Variants in DCC observed in about 807,000 individuals in gnomAD.
DCC encodes DCC netrin 1 receptor.
Under a neutral mutation model 172.5 loss-of-function variants are expected in DCC, and 58 were observed. The observed-to-expected ratio is 0.34, with a 90% CI of 0.27 to 0.42. The LOEUF (loss-of-function observed/expected upper bound fraction) is 0.42, where lower values mean the gene tolerates loss of function less well. DCC is among the 10% of genes least tolerant of loss of function. DCC has a pLI of 1.00. For missense variants in DCC, 1,740 were observed against 1,791.0 expected (o/e 0.97, Z 0.51); for synonymous variants, 709 against 644.5 (o/e 1.10, Z -1.52).
intron 13 of DCC, among the ~76,000 whole-genome samples, chr18:53,316,029 T>C (rs1451445665): frequency 1.3e-5 from 2 of 152,224 alleles, no homozygotes; most frequent in Non-Finnish European, 2.9e-5. Context: ...GTTTTAGTCA[T>C]GAAGTCTTTG....
chr18:53,288,522 T>C (rs978717575), intron 12 of DCC, among the ~76,000 whole-genome samples: 12 of 152,176 alleles, frequency 7.9e-5, no homozygotes, highest in Admixed American at 7.9e-4. Flanking sequence ...ATAGAGTAAT[T>C]ATTTTGGAAT....
intron 2 of DCC, among the ~76,000 whole-genome samples, chr18:52,755,963 G>A (rs912975056): frequency 1.3e-5 from 2 of 152,062 alleles, no homozygotes; most frequent in Non-Finnish European, 2.9e-5. Context: ...GGCTGGAGAG[G>A]GAAGGAAAGT....
intron 7 of DCC, among the ~76,000 whole-genome samples, chr18:53,095,734 C>T (rs34006123): frequency 0.25 from 37,861 of 149,664 alleles, 6,074 homozygotes; most frequent in African/African-American, 0.43. Context: ...TATTTATATC[C>T]GTAATGTCTT....
intron 4 of DCC, 66 bp downstream of exon 4, chr18:52,923,923 T>G: frequency 1.6e-6 from 2 of 1,216,128 alleles, no homozygotes; most frequent in Non-Finnish European, 1.2e-6. Context: ...TATTTATATT[T>G]CTCTAATTTG....
At chr18:53,178,781 A>G (rs1316515671) in intron 8 of DCC, among the ~76,000 whole-genome samples, 181 bp from the exon 9 acceptor site, 1 of 152,198 alleles carries the variant, frequency 6.6e-6, no homozygotes, top group Non-Finnish European at 1.5e-5. Context: ...ATTTATTTGT[A>G]GGTCCTTCCA....
chr18:52,909,567 G>A (rs2145455759), intron 3 of DCC, among the ~76,000 whole-genome samples: 1 of 152,226 alleles, frequency 6.6e-6, no homozygotes, highest in East Asian at 1.9e-4. Flanking sequence ...AAGTCTATGT[G>A]AAACTTATTT....
At chr18:53,000,419 A>G (rs1190880067) in intron 5 of DCC, among the ~76,000 whole-genome samples, 1 of 151,876 alleles carries the variant, frequency 6.6e-6, no homozygotes. Flanking sequence ...GGATTGGGAA[A>G]CAACTCCCTG....
chr18:52,852,646 A>ACACAC (rs1273296286), intron 2 of DCC, among the ~76,000 whole-genome samples: 4,051 of 152,136 alleles, frequency 0.027, 158 homozygotes, highest in African/African-American at 0.089. Flanking sequence ...AAATTTGGTT[A>ACACAC]AAATTTATTT....
At chr18:53,222,903 T>C (rs190354838) in intron 12 of DCC, among the ~76,000 whole-genome samples, 3 of 152,248 alleles carry the variant, frequency 2.0e-5, no homozygotes, top group Non-Finnish European at 4.4e-5. Flanking sequence ...ATGAGAACAA[T>C]GTACTCCATA....
intron 27 of DCC, among the ~76,000 whole-genome samples, chr18:53,503,303 A>AT (rs1389071171): frequency 1.3e-5 from 2 of 151,932 alleles, no homozygotes; most frequent in African/African-American, 2.4e-5. Flanking sequence ...CATTTCCTCA[A>AT]TTTTTTTTCC....
At chr18:52,416,708 T>C (rs1337745290) in intron 1 of DCC, among the ~76,000 whole-genome samples, 3 of 151,872 alleles carry the variant, frequency 2.0e-5, no homozygotes, top group Admixed American at 6.6e-5. Flanking sequence ...CTGCCTTTTT[T>C]TGTTTTCCAT....
chr18:52,545,004 T>G (rs998686086), intron 1 of DCC, among the ~76,000 whole-genome samples: 2 of 152,200 alleles, frequency 1.3e-5, no homozygotes, highest in Non-Finnish European at 2.9e-5. Context: ...TTTTTAAGAA[T>G]GCTTAGCAGT....
chr18:53,015,233 A>G (rs1239413403), intron 5 of DCC, among the ~76,000 whole-genome samples: 2 of 152,220 alleles, frequency 1.3e-5, no homozygotes, highest in Admixed American at 1.3e-4. Flanking sequence ...ATTTATAGCA[A>G]GTTTAAAATA....
At chr18:53,486,010 A>T (rs2045895604) in intron 25 of DCC, among the ~76,000 whole-genome samples, 2 of 152,112 alleles carry the variant, frequency 1.3e-5, no homozygotes, top group Non-Finnish European at 2.9e-5. Context: ...GCTTTGGCAT[A>T]ATAAAAGATA....
intron 2 of DCC, among the ~76,000 whole-genome samples, chr18:52,823,006 G>C (rs1399492377): frequency 6.6e-6 from 1 of 152,044 alleles, no homozygotes; most frequent in African/African-American, 2.4e-5. Flanking sequence ...TTTAATCTGG[G>C]TCTGTGTCCC....
At chr18:52,847,686 AG>A (rs2038916660) in intron 2 of DCC, among the ~76,000 whole-genome samples, 1 of 152,164 alleles carries the variant, frequency 6.6e-6, no homozygotes, top group African/African-American at 2.4e-5. Context: ...AAAAAGAAAA[AG>A]CTTGATACAT....
chr18:52,950,371 T>TA (rs2145545625), intron 5 of DCC, among the ~76,000 whole-genome samples: 1 of 152,344 alleles, frequency 6.6e-6, no homozygotes, highest in African/African-American at 2.4e-5. Flanking sequence ...TCTTTCCTTG[T>TA]AATAAATCAA....
At chr18:53,398,185 G>T (rs1313352283) in intron 18 of DCC, among the ~76,000 whole-genome samples, 1 of 152,028 alleles carries the variant, frequency 6.6e-6, no homozygotes, top group Non-Finnish European at 1.5e-5. Flanking sequence ...TGGGTAAACT[G>T]CACCAATTTT....
At chr18:53,043,332 A>G (rs2042195094) in intron 5 of DCC, among the ~76,000 whole-genome samples, 1 of 151,976 alleles carries the variant, frequency 6.6e-6, no homozygotes, top group African/African-American at 2.4e-5. Context: ...GGGCAAGGGG[A>G]GAGATAACAT....
Sources: gnomAD v4.1 joint callset for allele counts (sites outside exome capture counted in the v4.1 genomes callset) on GRCh38, gnomAD v4.1.1 for gene constraint, MANE v1.5 for transcripts, NCBI Gene and HGNC (gene_info 2026-07-23, HGNC 2026-07-21) for gene names.